The following ATP5PD variants were observed in gnomAD, a reference collection of about 807,000 sequenced individuals.
ATP5PD encodes ATP synthase peripheral stalk subunit d, also known as ATP synthase peripheral stalk subunit d, mitochondrial.
Under a neutral mutation model 22.6 loss-of-function variants are expected in ATP5PD, and 13 were observed. That is an observed-to-expected ratio of 0.58 (90% CI 0.37 to 0.91). The LOEUF (loss-of-function observed/expected upper bound fraction) is 0.91, where lower values mean the gene tolerates loss of function less well. ATP5PD is among the 40% of genes least tolerant of loss of function. The probability of loss-of-function intolerance (pLI) is 0.00; values close to 1 mark genes in which losing one functional copy is unlikely to be tolerated. For synonymous variants in ATP5PD, 51 were observed against 65.0 expected (o/e 0.79, Z 1.03); for missense variants, 165 against 188.0 (o/e 0.88, Z 0.72).
intron 2 of ATP5PD, 50 bp from the exon 3 acceptor site, chr17:75,042,327 ATTCACATGGTAATT>A (rs776152275): frequency 6.3e-7 from 1 of 1,589,962 alleles, no homozygotes. Flanking sequence ...GCAGTAGAAA[ATTCACATGGTAATT>A]TTCCTATCCC....
chr17:75,045,593 C>T (rs1156257993), intron 1 of ATP5PD, among the ~76,000 whole-genome samples: 2 of 152,230 alleles, frequency 1.3e-5, no homozygotes, highest in Non-Finnish European at 2.9e-5. Context: ...CGATATTTCT[C>T]CCATTTGCTT....
intron 1 of ATP5PD, among the ~76,000 whole-genome samples, chr17:75,046,483 C>A (rs1003901145): frequency 6.6e-6 from 1 of 152,214 alleles, no homozygotes; most frequent in Admixed American, 6.5e-5. Flanking sequence ...AATGAGTAAC[C>A]GAACTCTGCA....
rs2073172186 is a variant in ATP5PD, at chr17:75,042,582, G to A, written c.69C>T (p.Asn23=). The change falls in exon 2 of 6, where the codon AAC becomes AAT. Residue 23 remains asparagine, a synonymous_variant. Transcript: ENST00000301587. ...TCAGGGAACTAGCAATGGCCTTTTG[G>A]TTCTGGGGTATGATCTCTGCAAAAG... ...WVAFAEIIPQ[N]QKAIASSLKS... 3 of 1,613,028 alleles carry A rather than the reference G, an allele frequency of 1.9e-6. No individual in the cohort carries two copies. The highest frequency in any genetic ancestry group is 1.3e-5 in the African/African-American group (1 of 75,006).
chr17:75,040,865 G>A (rs1458602673), intron 3 of ATP5PD: 3 of 147,358 alleles, frequency 2.0e-5, no homozygotes, highest in Admixed American at 1.4e-4. Flanking sequence ...CAGCCTGGGC[G>A]ACAGAGCAAG....
In ATP5PD at chr17:75,040,171, C is replaced by T. The variant is rs1329268585; in HGVS notation, c.220-8G>A. ...AACCTTCAGCGCATTAAACTACAAA[C>T]ACAAGGGCACGGGAACCTTCAGCGC... On this transcript the variant is annotated splice_region_variant and splice_polypyrimidine_tract_variant and intron_variant, in intron 3 of 5. Coordinates refer to ENST00000301587, the MANE Select transcript of ATP5PD (RefSeq NM_006356.3). 2 of 1,611,256 alleles carry T rather than the reference C, an allele frequency of 1.2e-6. No homozygotes were observed. Among genetic ancestry groups the T allele is most frequent in the Non-Finnish European group, 1.7e-6 (2 of 1,179,592 alleles).
chr17:75,045,451 C>A (rs1250129755), intron 1 of ATP5PD, among the ~76,000 whole-genome samples: 3 of 152,224 alleles, frequency 2.0e-5, no homozygotes, highest in African/African-American at 7.2e-5. Flanking sequence ...CTATGGGAGA[C>A]TGGAGTTTAT....
chr17:75,040,988 G>A (rs2073154260), intron 3 of ATP5PD: 1 of 152,006 alleles, frequency 6.6e-6, no homozygotes, highest in Non-Finnish European at 1.5e-5. Context: ...ATAAGCAAAT[G>A]AACTCTGGAT....
At chr17:75,042,708 T>C (rs2073173412) in intron 1 of ATP5PD, 49 bp from the exon 2 acceptor site, 1 of 1,546,834 alleles carries the variant, frequency 6.5e-7, no homozygotes, top group Non-Finnish European at 8.7e-7. Context: ...AGGTGAATTT[T>C]CAGTTGGGAA....
At chr17:75,046,286 G>A (rs960094691) in intron 1 of ATP5PD, among the ~76,000 whole-genome samples, 1 of 152,252 alleles carries the variant, frequency 6.6e-6, no homozygotes, top group East Asian at 1.9e-4. Context: ...GTTTCACTAC[G>A]TTGGCCAGGC....
chr17:75,039,322 C>A (rs2073134767), intron 4 of ATP5PD, 51 bp from the exon 5 acceptor site: 1 of 1,533,474 alleles, frequency 6.5e-7, no homozygotes, highest in Non-Finnish European at 9.0e-7. Flanking sequence ...CATTCTACCC[C>A]AGCAGCTGCT....
Position 75,044,140 on chromosome 17 carries a change from T to C in ATP5PD, c.-9-1481A>G, listed in dbSNP as rs1447300510. Among the ~76,000 whole-genome samples the C allele has an allele frequency of 2.3e-4, 34 of 149,068 alleles. 1 individual carries two copies. The highest frequency in any genetic ancestry group is 2.3e-3 in the Admixed American group (34 of 14,916). ...CCCAGGCTCAAGCGATTCTCCTGCC[T>C]CAGCCTCCGGAGTAGCTGGGATTAC... On this transcript the variant is annotated intron_variant, in intron 1 of 5. Transcript: ENST00000301587.
chr17:75,039,876 A>G (rs1247365128), intron 4 of ATP5PD: 2 of 578,452 alleles, frequency 3.5e-6, no homozygotes, highest in Non-Finnish European at 6.1e-6. Context: ...TCTTACAAAG[A>G]TGGAATCATA....
chr17:75,042,027 C>T, intron 3 of ATP5PD, 154 bp downstream of exon 3: 1 of 618,506 alleles, frequency 1.6e-6, no homozygotes. Flanking sequence ...CACCTATTTA[C>T]AGTTCAATCG....
At chr17:75,043,577 C>T (rs1159682488) in intron 1 of ATP5PD, among the ~76,000 whole-genome samples, 1 of 147,034 alleles carries the variant, frequency 6.8e-6, no homozygotes, top group African/African-American at 2.5e-5. Context: ...AGCGCCATTG[C>T]ACTCCAGCCT....
intron 4 of ATP5PD, chr17:75,039,698 C>T (rs4435292): frequency 0.27 from 69,107 of 259,842 alleles, 10,739 homozygotes; most frequent in Admixed American, 0.39. Flanking sequence ...CTAATTCCAA[C>T]TCCTTGTTTC....
At position 75,042,107 on chromosome 17, in the gene ATP5PD, G is replaced by A. The variant is rs754617252; in HGVS notation, c.219+74C>T. On this transcript the variant is annotated intron_variant, in intron 3 of 5. Coordinates refer to ENST00000301587, the MANE Select transcript of ATP5PD (RefSeq NM_006356.3). ...GGGATCTGGCTGTCATGCTGTGTAT[G>A]TAATTATCCCTGTTCCTGCTCCCTA... 2,239 of 1,310,260 alleles carry A rather than the reference G, an allele frequency of 1.7e-3. 6 individuals carry two copies. The highest frequency in any genetic ancestry group is 1.8e-3 in the Non-Finnish European group (1,646 of 927,620). 81.2% of individuals were successfully genotyped at this position (1,310,260 alleles called of 1,614,324 possible).
chr17:75,039,851 C>G, intron 4 of ATP5PD: 1 of 521,548 alleles, frequency 1.9e-6, no homozygotes, highest in Non-Finnish European at 3.4e-6. Flanking sequence ...TGTAGACAAA[C>G]TACATTTTCT....
Position 75,044,199 on chromosome 17 carries a change from A to AT in ATP5PD, c.-9-1541dup, listed in dbSNP as rs755560156. ...ACCACCACACCCAGCTAATTTTTGT[A>AT]TTTTTTTTTTTTTTTTTGAGACGGA... On this transcript the variant is annotated intron_variant, in intron 1 of 5. Coordinates refer to ENST00000301587, the MANE Select transcript of ATP5PD (RefSeq NM_006356.3). Among the ~76,000 whole-genome samples the AT allele has an allele frequency of 2.2e-3, 207 of 94,676 alleles. 13 individuals are homozygous for AT. The highest frequency in any genetic ancestry group is 6.4e-3 in the Admixed American group (69 of 10,778). The allele number at this position is 94,676 out of a possible 152,430, so 62.1% of individuals were successfully genotyped here. A position where few individuals can be genotyped will look rare whatever the true frequency, so the allele number is the denominator to read the frequency against.
intron 4 of ATP5PD, 31 bp downstream of exon 4, chr17:75,040,061 T>C: frequency 6.2e-7 from 1 of 1,612,006 alleles, no homozygotes; most frequent in Middle Eastern, 1.7e-4. Context: ...TCAAGAGAAT[T>C]TTAGAATAAG....
Sources: allele counts gnomAD v4.1 joint callset (sites outside exome capture counted in the v4.1 genomes callset), GRCh38; gene constraint gnomAD v4.1.1; transcripts MANE v1.5; gene names NCBI Gene and HGNC (gene_info 2026-07-23, HGNC 2026-07-21).